CHRM5: variants seen among roughly 807,000 people sequenced by gnomAD.
The protein encoded by CHRM5 is muscarinic acetylcholine receptor M5.
A neutral mutation model predicts 39.0 loss-of-function variants in CHRM5; 18 were observed. That is an observed-to-expected ratio of 0.46 (90% CI 0.32 to 0.68). The LOEUF (loss-of-function observed/expected upper bound fraction) is 0.68, where lower values mean the gene tolerates loss of function less well. CHRM5 is among the 30% of genes least tolerant of loss of function. The pLI is 0.04. For synonymous variants in CHRM5, 241 were observed against 246.3 expected (o/e 0.98, Z 0.20); for missense variants, 515 against 651.1 (o/e 0.79, Z 2.28).
At chr15:34,044,829 T>A (rs1899627447) in intron 1 of CHRM5, among the ~76,000 whole-genome samples, 1 of 152,116 alleles carries the variant, frequency 6.6e-6, no homozygotes, top group Admixed American at 6.6e-5. Flanking sequence ...GGCGGGAGGA[T>A]CATGAGGTCA....
At chr15:33,980,517 C>T (rs1896089984) in intron 1 of CHRM5, among the ~76,000 whole-genome samples, 1 of 152,136 alleles carries the variant, frequency 6.6e-6, no homozygotes, top group Non-Finnish European at 1.5e-5. Flanking sequence ...ATGACATGAG[C>T]ACAAACTACG....
chr15:34,064,450 T>A lies in CHRM5; in HGVS notation c.*134T>A. The A allele has an allele frequency of 8.8e-7, 1 of 1,130,934 alleles. No homozygotes were observed. Among genetic ancestry groups the A allele is most frequent in the Non-Finnish European group, 1.2e-6 (1 of 810,004 alleles). The allele number at this position is 1,130,934 out of a possible 1,614,324, so 70.1% of individuals were successfully genotyped here. ...AGTCCTTGAAGATTTTTGTAAAGGC[T>A]CAAGTTTGGTTGCCAAATGGAAGGG... is the stretch of plus-strand genomic sequence containing the variant. On this transcript the variant is annotated 3_prime_UTR_variant, in exon 3 of 3. Transcript: ENST00000383263.
At chr15:34,006,494 C>T (rs1039634799) in intron 1 of CHRM5, among the ~76,000 whole-genome samples, 3 of 152,116 alleles carry the variant, frequency 2.0e-5, no homozygotes. Context: ...ACAGCTGTAA[C>T]ACATGGCAAA....
At chr15:33,999,797 C>G (rs534407963) in intron 1 of CHRM5, among the ~76,000 whole-genome samples, 3 of 152,280 alleles carry the variant, frequency 2.0e-5, no homozygotes, top group Admixed American at 2.0e-4. Context: ...TACCCGCTCC[C>G]CTCTTGCCAG....
At chr15:33,974,367 G>C (rs1261097140) in intron 1 of CHRM5, among the ~76,000 whole-genome samples, 1 of 152,170 alleles carries the variant, frequency 6.6e-6, no homozygotes, top group African/African-American at 2.4e-5. Context: ...TGTGAGGAAT[G>C]AATCTTTGCA....
Position 33,998,786 on chromosome 15 carries a change from C to A in CHRM5, c.-408+29636C>A, listed in dbSNP as rs151073448. On this transcript the variant is annotated intron_variant, in intron 1 of 2. Coordinates refer to ENST00000383263, the MANE Select transcript of CHRM5 (RefSeq NM_012125.4). ...TACACTCTCTGGTTCTTTCTTCTACCACTCATGCTCAGTCTCCTTTGCTGG... is the reference window on the plus strand; with the variant it reads ...TACACTCTCTGGTTCTTTCTTCTACAACTCATGCTCAGTCTCCTTTGCTGG... Among the ~76,000 whole-genome samples, 83 of 152,266 alleles carry A rather than the reference C, an allele frequency of 5.5e-4. 1 individual carries two copies. The highest frequency in any genetic ancestry group is 1.1e-3 in the Non-Finnish European group (75 of 68,012).
chr15:34,040,832 T>A (rs1468296306), intron 1 of CHRM5, among the ~76,000 whole-genome samples: 1 of 151,760 alleles, frequency 6.6e-6, no homozygotes, highest in Non-Finnish European at 1.5e-5. Flanking sequence ...TAGAGAATCA[T>A]TTGAGCCCAG....
chr15:34,038,799 C>T lies in CHRM5; in HGVS notation c.-407-7741C>T, dbSNP rs192378891. The T allele has an allele frequency of 2.1e-3, 2,485 of 1,192,834 alleles. 56 individuals are homozygous for T. In the African/African-American group the frequency reaches 0.037, roughly 18 times the overall value. 73.9% of individuals were successfully genotyped at this position (1,192,834 alleles called of 1,614,324 possible). A position where few individuals can be genotyped will look rare whatever the true frequency, so the allele number is the denominator to read the frequency against. ...TCTTACCGGCGCGCTGGCCCCTGCG[C>T]CCCAGCCTCCCGGCTCCCGGCGGCT... On this transcript the variant is annotated intron_variant, in intron 1 of 2. Coordinates refer to ENST00000383263, the MANE Select transcript of CHRM5 (RefSeq NM_012125.4).
intron 1 of CHRM5, among the ~76,000 whole-genome samples, chr15:34,043,986 C>T (rs966635402): frequency 6.6e-5 from 10 of 151,802 alleles, no homozygotes; most frequent in African/African-American, 2.2e-4. Flanking sequence ...TACTTGGGGA[C>T]GTCTTTCCAG....
intron 1 of CHRM5, among the ~76,000 whole-genome samples, chr15:33,983,589 T>A (rs983864727): frequency 6.6e-6 from 1 of 152,112 alleles, no homozygotes; most frequent in Non-Finnish European, 1.5e-5. Flanking sequence ...AAAAACAGTA[T>A]CTTTGCATAG....
intron 2 of CHRM5, among the ~76,000 whole-genome samples, chr15:34,058,268 T>G (rs1377945630): frequency 6.6e-6 from 1 of 152,156 alleles, no homozygotes; most frequent in African/African-American, 2.4e-5. Context: ...ACAAAACAAC[T>G]GGGTACTGTA....
At chr15:33,983,590 C>G (rs911371996) in intron 1 of CHRM5, among the ~76,000 whole-genome samples, 1 of 152,088 alleles carries the variant, frequency 6.6e-6, no homozygotes, top group Admixed American at 6.5e-5. Context: ...AAAACAGTAT[C>G]TTTGCATAGC....
intron 1 of CHRM5, among the ~76,000 whole-genome samples, chr15:34,020,210 C>CTGAGGCAGGAGAATGGCG (rs1400425200): frequency 1.3e-5 from 2 of 151,850 alleles, no homozygotes; most frequent in African/African-American, 4.8e-5. Flanking sequence ...ACTCGGGAGG[C>CTGAGGCAGGAGAATGGCG]TGAGGCAGGA....
chr15:33,976,024 T>A (rs912608375), intron 1 of CHRM5, among the ~76,000 whole-genome samples: 1 of 152,238 alleles, frequency 6.6e-6, no homozygotes, highest in African/African-American at 2.4e-5. Context: ...GGAGTTGTCC[T>A]GAGTTGTTTC....
At chr15:34,003,052 C>G in intron 1 of CHRM5, 4 of 1,613,852 alleles carry the variant, frequency 2.5e-6, no homozygotes, top group Non-Finnish European at 3.4e-6. Flanking sequence ...AAGGAGGACA[C>G]TGAAATCTGT....
At chr15:34,014,387 AAAAC>A (rs781313902) in intron 1 of CHRM5, among the ~76,000 whole-genome samples, 2,401 of 120,684 alleles carry the variant, frequency 0.02, 243 homozygotes, top group East Asian at 0.051. Flanking sequence ...AAAAAAAACA[AAAAC>A]AAAAACCACG....
chr15:33,973,154 C>T (rs886164958), intron 1 of CHRM5, among the ~76,000 whole-genome samples: 2 of 152,196 alleles, frequency 1.3e-5, no homozygotes, highest in Non-Finnish European at 2.9e-5. Context: ...CATTGTTTGA[C>T]GTCACACTGT....
intron 1 of CHRM5, among the ~76,000 whole-genome samples, chr15:34,017,484 G>GT (rs60119659): frequency 0.017 from 1,867 of 107,304 alleles, 66 homozygotes; most frequent in African/African-American, 0.055. Flanking sequence ...TTTTTTTTTT[G>GT]TTTTTTTTTT....
At chr15:34,034,578 A>G (rs1899030091) in intron 1 of CHRM5, among the ~76,000 whole-genome samples, 1 of 152,224 alleles carries the variant, frequency 6.6e-6, no homozygotes, top group Admixed American at 6.5e-5. Context: ...AATGTTAGAT[A>G]TAAACTTTAA....
Sources: allele counts gnomAD v4.1 joint callset (sites outside exome capture counted in the v4.1 genomes callset), GRCh38; gene constraint gnomAD v4.1.1; transcripts MANE v1.5; gene names NCBI Gene and HGNC (gene_info 2026-07-23, HGNC 2026-07-21).